JPH3: variants seen among roughly 807,000 people sequenced by gnomAD.
JPH3 encodes junctophilin-3.
A neutral mutation model predicts 59.6 loss-of-function variants in JPH3; 11 were observed. That is an observed-to-expected ratio of 0.18 (90% CI 0.12 to 0.31). The LOEUF (loss-of-function observed/expected upper bound fraction) is 0.31. Among genes scored for constraint, JPH3 ranks in the 10% least tolerant of loss-of-function variants. The pLI is 1.00. For synonymous variants in JPH3, 673 were observed against 483.6 expected (o/e 1.39, Z -5.14); for missense variants, 1,202 against 1,105.7 (o/e 1.09, Z -1.24).
At chr16:87,656,785 A>G (rs991850576) in intron 2 of JPH3, among the ~76,000 whole-genome samples, 4 of 152,162 alleles carry the variant, frequency 2.6e-5, no homozygotes, top group Non-Finnish European at 4.4e-5. Context: ...TTGGACTGCC[A>G]TAACAAAATA....
chr16:87,629,115 A>G (rs924104547), intron 1 of JPH3, among the ~76,000 whole-genome samples: 2 of 152,122 alleles, frequency 1.3e-5, no homozygotes, highest in African/African-American at 4.8e-5. Flanking sequence ...GCCTTGGGCA[A>G]GTGACTCACT....
At chr16:87,658,430 A>C (rs1055436876) in intron 2 of JPH3, among the ~76,000 whole-genome samples, 10 of 118,492 alleles carry the variant, frequency 8.4e-5, no homozygotes, top group Admixed American at 3.0e-4. Flanking sequence ...TTTCCTCTCT[A>C]TCTCCCTATC....
chr16:87,670,930 G>A (rs1424519481), intron 2 of JPH3, among the ~76,000 whole-genome samples: 5 of 152,174 alleles, frequency 3.3e-5, no homozygotes, highest in South Asian at 2.1e-4. Flanking sequence ...GCCCAAGAGC[G>A]GGAATTGATC....
intron 1 of JPH3, among the ~76,000 whole-genome samples, chr16:87,609,292 A>C (rs1340917295): frequency 6.6e-6 from 1 of 152,068 alleles, no homozygotes; most frequent in Admixed American, 6.5e-5. Flanking sequence ...TTTGAGATGG[A>C]GTCTCACCCT....
At chr16:87,668,508 C>A (rs1052499321) in intron 2 of JPH3, among the ~76,000 whole-genome samples, 3 of 150,890 alleles carry the variant, frequency 2.0e-5, no homozygotes, top group African/African-American at 7.5e-5. Flanking sequence ...CGTGGCCCGT[C>A]ACACTCATCC....
chr16:87,662,561 C>T (rs565563454), intron 2 of JPH3, among the ~76,000 whole-genome samples: 5 of 152,198 alleles, frequency 3.3e-5, no homozygotes, highest in South Asian at 2.1e-4. Context: ...GTGGATGAGG[C>T]GGGAGAACCA....
intron 1 of JPH3, 147 bp from the exon 2 acceptor site, chr16:87,644,111 C>A: frequency 1.2e-6 from 1 of 843,646 alleles, no homozygotes; most frequent in Non-Finnish European, 1.8e-6. Context: ...GCACTCCAGC[C>A]TGGGCAACAC....
intron 1 of JPH3, among the ~76,000 whole-genome samples, chr16:87,619,107 G>T (rs1036856072): frequency 6.6e-6 from 1 of 151,504 alleles, no homozygotes; most frequent in African/African-American, 2.4e-5. Flanking sequence ...AAAAAGGGGG[G>T]GCACTGCGCA....
chr16:87,604,979 C>CTGTG (rs756088221), intron 1 of JPH3: 18 of 449,224 alleles, frequency 4.0e-5, no homozygotes, highest in Middle Eastern at 3.4e-4. Flanking sequence ...GGCTGTGGGC[C>CTGTG]TGTGTGTGTG....
At chr16:87,625,285 T>C (rs1488415044) in intron 1 of JPH3, among the ~76,000 whole-genome samples, 1 of 152,164 alleles carries the variant, frequency 6.6e-6, no homozygotes, top group African/African-American at 2.4e-5. Context: ...GCTGTGACTA[T>C]TGGAGCACAC....
At chr16:87,636,237 G>A (rs1456970629) in intron 1 of JPH3, among the ~76,000 whole-genome samples, 2 of 152,226 alleles carry the variant, frequency 1.3e-5, no homozygotes, top group Admixed American at 6.5e-5. Context: ...GTGCCCTGGG[G>A]TGGGGTGGGG....
At chr16:87,684,344 G>A in intron 3 of JPH3, 78 bp downstream of exon 3, 1 of 1,562,060 alleles carries the variant, frequency 6.4e-7, no homozygotes. Context: ...CAGCAGATGT[G>A]TCCTCCAGAG....
chr16:87,678,226 G>A (rs2033198783), intron 2 of JPH3, among the ~76,000 whole-genome samples: 1 of 151,998 alleles, frequency 6.6e-6, no homozygotes, highest in Admixed American at 6.6e-5. Flanking sequence ...GGGTGACAAA[G>A]GGAGACCCTG....
chr16:87,638,160 T>C (rs1473193000), intron 1 of JPH3, among the ~76,000 whole-genome samples: 1 of 152,174 alleles, frequency 6.6e-6, no homozygotes. Context: ...CCTCAGGTGA[T>C]CTACCTGCCT....
intron 1 of JPH3, among the ~76,000 whole-genome samples, chr16:87,614,242 G>C (rs575028079): frequency 1.4e-4 from 22 of 152,112 alleles, no homozygotes; most frequent in African/African-American, 4.8e-4. Context: ...GCACACAGGA[G>C]CTACACGTCC....
At chr16:87,659,339 T>C (rs2032618329) in intron 2 of JPH3, among the ~76,000 whole-genome samples, 1 of 132,264 alleles carries the variant, frequency 7.6e-6, no homozygotes, top group South Asian at 2.5e-4. Context: ...ATCAAGCCAC[T>C]GCACTCCAGC....
chr16:87,644,496 C>T lies in JPH3; in HGVS notation c.621C>T (p.Leu207=), dbSNP rs879242783. 3 of 1,612,982 alleles carry T rather than the reference C, an allele frequency of 1.9e-6. No individual in the cohort carries two copies. The highest frequency in any genetic ancestry group is 2.2e-5 in the East Asian group (1 of 44,860). ...TGGCCCACAGTGACTCCGAGATCCTCAAGAGCAAGAAGAAGGGGCTGTTTC... is the reference window on the plus strand; with the variant it reads ...TGGCCCACAGTGACTCCGAGATCCTTAAGAGCAAGAAGAAGGGGCTGTTTC... The part of the protein sequence containing the change: ...VLVAHSDSEI[L]KSKKKGLFRR... The change falls in exon 2 of 5, where the codon CTC becomes CTT. Residue 207 remains leucine (L), a synonymous_variant. Transcript: ENST00000284262.
At chr16:87,644,124 C>G (rs1015027673) in intron 1 of JPH3, 134 bp from the exon 2 acceptor site, 1 of 949,772 alleles carries the variant, frequency 1.1e-6, no homozygotes, top group Non-Finnish European at 1.6e-6. Flanking sequence ...GGCAACACAG[C>G]GAGAACCTGT....
At chr16:87,615,826 G>A (rs148622208) in intron 1 of JPH3, among the ~76,000 whole-genome samples, 6 of 152,300 alleles carry the variant, frequency 3.9e-5, no homozygotes, top group African/African-American at 1.2e-4. Context: ...GAGGCGAGTG[G>A]GGGAAGAGAC....
Sources: allele counts gnomAD v4.1 joint callset (sites outside exome capture counted in the v4.1 genomes callset), GRCh38; gene constraint gnomAD v4.1.1; transcripts MANE v1.5; gene names NCBI Gene and HGNC (gene_info 2026-07-23, HGNC 2026-07-21).